The following GALNT13 variants were observed in gnomAD, a reference collection of about 807,000 sequenced individuals.
The protein encoded by GALNT13 is polypeptide N-acetylgalactosaminyltransferase 13, also known as UDP-GalNAc:polypeptide N-acetylgalactosaminyltransferase 13.
A neutral mutation model predicts 64.2 loss-of-function variants in GALNT13; 28 were observed. The ratio of observed to expected loss-of-function variants is 0.44; its 90% CI spans 0.32 to 0.60. GALNT13 has a LOEUF of 0.60. Ranked by LOEUF, GALNT13 falls within the 20% of genes least tolerant of loss-of-function variation. The probability of loss-of-function intolerance (pLI) is 0.05; values close to 1 mark genes in which losing one functional copy is unlikely to be tolerated. For missense variants in GALNT13, 577 were observed against 669.8 expected (o/e 0.86, Z 1.53); for synonymous variants, 214 against 224.6 (o/e 0.95, Z 0.42).
At chr2:153,395,533 G>C in the GALNT13 span, among the ~76,000 whole-genome samples, 1 of 152,022 alleles carries the variant, frequency 6.6e-6, no homozygotes. Context: ...CACTCTTGTA[G>C]CATTTTCCTT....
At chr2:153,786,824 C>T in the GALNT13 span, among the ~76,000 whole-genome samples, 2 of 152,112 alleles carry the variant, frequency 1.3e-5, no homozygotes. Context: ...GAGCAAAGAC[C>T]ATAAGTATCT....
At chr2:153,976,126 A>G (rs1694061569) in intron 3 of GALNT13, among the ~76,000 whole-genome samples, 1 of 152,026 alleles carries the variant, frequency 6.6e-6, no homozygotes, top group Non-Finnish European at 1.5e-5. Flanking sequence ...TGTCTTACGT[A>G]TGTATGTGTT....
chr2:153,449,108 T>C, the GALNT13 span, among the ~76,000 whole-genome samples: 3 of 152,142 alleles, frequency 2.0e-5, no homozygotes, highest in Non-Finnish European at 4.4e-5. Context: ...TGAGGACATA[T>C]GGAGAAGGTG....
At chr2:154,326,457 T>C (rs1348877597) in intron 9 of GALNT13, among the ~76,000 whole-genome samples, 4 of 152,134 alleles carry the variant, frequency 2.6e-5, no homozygotes, top group African/African-American at 4.8e-5. Flanking sequence ...TACTTGTTGA[T>C]GTGAAATCCA....
chr2:153,807,438 T>A, the GALNT13 span, among the ~76,000 whole-genome samples: 1 of 151,950 alleles, frequency 6.6e-6, no homozygotes, highest in African/African-American at 2.4e-5. Flanking sequence ...GGCCATATGA[T>A]ATTTCTTAGA....
chr2:153,241,009 CA>C, the GALNT13 span, among the ~76,000 whole-genome samples: 233 of 152,194 alleles, frequency 1.5e-3, no homozygotes, highest in African/African-American at 5.5e-3. Flanking sequence ...AGACAAAGAA[CA>C]GGAGAATACT....
At chr2:153,431,147 C>CAA in the GALNT13 span, among the ~76,000 whole-genome samples, 11 of 87,072 alleles carry the variant, frequency 1.3e-4, no homozygotes, top group Admixed American at 2.6e-4. Flanking sequence ...GAGACTCTGT[C>CAA]AAAAAAAAAA....
the GALNT13 span, among the ~76,000 whole-genome samples, chr2:153,438,677 C>T: frequency 3.9e-5 from 6 of 152,232 alleles, no homozygotes; most frequent in Non-Finnish European, 8.8e-5. Context: ...TCAGCTCCAT[C>T]AGGTCCTTTA....
At chr2:153,724,586 A>G in the GALNT13 span, among the ~76,000 whole-genome samples, 2 of 112,166 alleles carry the variant, frequency 1.8e-5, no homozygotes, top group African/African-American at 8.7e-5. Flanking sequence ...CAGAATCTAC[A>G]ATGAACTCAA....
rs1160989257 is a variant in GALNT13 at position 154,083,441 on chromosome 2, G to C, written c.143-56896G>C. On this transcript the variant is annotated intron_variant, in intron 3 of 12. Transcript: ENST00000392825. ...AAATTTAAAGTAGTTTTTCCTAATT[G>C]TGTGAAGAAAGACAATGGTGGCTTG... 4.6e-5 allele frequency among the ~76,000 whole-genome samples: 7 copies of C among 151,738 alleles called. No individual in the cohort carries two copies. In the South Asian group the frequency reaches 1.0e-3, roughly 23 times the overall value.
At chr2:153,502,140 A>G in the GALNT13 span, among the ~76,000 whole-genome samples, 1 of 152,148 alleles carries the variant, frequency 6.6e-6, no homozygotes, top group African/African-American at 2.4e-5. Context: ...GTTTGGTTAC[A>G]TGAATAAATT....
At chr2:153,757,475 G>A in the GALNT13 span, among the ~76,000 whole-genome samples, 1 of 152,176 alleles carries the variant, frequency 6.6e-6, no homozygotes, top group Non-Finnish European at 1.5e-5. Context: ...AAACATGGAA[G>A]TGCAGGTATC....
At chr2:154,162,243 G>C (rs1684775881) in intron 4 of GALNT13, among the ~76,000 whole-genome samples, 1 of 152,192 alleles carries the variant, frequency 6.6e-6, no homozygotes, top group Non-Finnish European at 1.5e-5. Flanking sequence ...ACCAACTTGT[G>C]TATGTGGGGA....
the GALNT13 span, among the ~76,000 whole-genome samples, chr2:153,714,844 A>G: frequency 6.6e-6 from 1 of 152,232 alleles, no homozygotes; most frequent in Non-Finnish European, 1.5e-5. Flanking sequence ...ATACTACTTC[A>G]TACTTAGCCC....
At chr2:154,074,705 T>A (rs1314280891) in intron 3 of GALNT13, among the ~76,000 whole-genome samples, 17 of 151,928 alleles carry the variant, frequency 1.1e-4, no homozygotes, top group Admixed American at 9.9e-4. Context: ...ACTGGCAAAT[T>A]GAATACAGCA....
At chr2:153,798,492 G>T in the GALNT13 span, among the ~76,000 whole-genome samples, 3 of 152,110 alleles carry the variant, frequency 2.0e-5, no homozygotes, top group South Asian at 6.2e-4. Context: ...TAAATGCAGT[G>T]TTTACTTATA....
At chr2:153,757,237 C>T in the GALNT13 span, among the ~76,000 whole-genome samples, 3 of 152,128 alleles carry the variant, frequency 2.0e-5, no homozygotes, top group South Asian at 2.1e-4. Context: ...TCCGTGTTAG[C>T]TTCTTAGCTT....
the GALNT13 span, among the ~76,000 whole-genome samples, chr2:153,839,313 G>A: frequency 6.6e-6 from 1 of 151,972 alleles, no homozygotes; most frequent in South Asian, 2.1e-4. Context: ...GAAATGCTGA[G>A]AATGGACATC....
intron 4 of GALNT13, among the ~76,000 whole-genome samples, chr2:154,193,930 T>A (rs1057003861): frequency 5.3e-5 from 8 of 152,190 alleles, no homozygotes; most frequent in Admixed American, 1.3e-4. Context: ...ATGTGTTAAT[T>A]CCTGTAAACC....
Sources: allele counts gnomAD v4.1 joint callset (sites outside exome capture counted in the v4.1 genomes callset), GRCh38; gene constraint gnomAD v4.1.1; transcripts MANE v1.5; gene names NCBI Gene and HGNC (gene_info 2026-07-23, HGNC 2026-07-21).